PHF10: variants seen among roughly 807,000 people sequenced by gnomAD.
PHF10 encodes the protein BRG1-associated factor 45a.
PHF10 carries 51 observed loss-of-function variants against 68.5 expected under a neutral mutation model. The observed-to-expected ratio is 0.74, with a 90% CI of 0.59 to 0.94. PHF10 has a LOEUF of 0.94. PHF10 is among the 40% of genes least tolerant of loss of function. PHF10 has a pLI of 0.00. For synonymous variants in PHF10, 204 were observed against 203.5 expected (o/e 1.00, Z -0.02); for missense variants, 460 against 602.6 (o/e 0.76, Z 2.48).
chr6:169,713,941 G>GT (rs1461417264), intron 7 of PHF10, among the ~76,000 whole-genome samples: 1 of 152,092 alleles, frequency 6.6e-6, no homozygotes, highest in African/African-American at 2.4e-5. Context: ...GGCCAACATG[G>GT]TAAAACCCAC....
intron 10 of PHF10, 68 bp from the exon 11 acceptor site, chr6:169,705,389 CT>C (rs1788746643): frequency 8.9e-7 from 1 of 1,126,560 alleles, no homozygotes; most frequent in Non-Finnish European, 1.3e-6. Context: ...ACATAAAATA[CT>C]AGTTTGCTTT....
At chr6:169,718,685 G>A (rs533924536) in intron 3 of PHF10, 103 bp downstream of exon 3, 2 of 717,096 alleles carry the variant, frequency 2.8e-6, no homozygotes, top group South Asian at 4.3e-5. Context: ...AAAACAGCAA[G>A]CACAAGAATA....
At chr6:169,716,484 C>A (rs1450585714) in intron 4 of PHF10, among the ~76,000 whole-genome samples, 5 of 151,620 alleles carry the variant, frequency 3.3e-5, no homozygotes, top group Non-Finnish European at 7.4e-5. Flanking sequence ...ATTCCATACA[C>A]AAGAAATATT....
At chr6:169,718,723 A>T (rs1486459149) in intron 3 of PHF10, 65 bp downstream of exon 3, 1 of 937,844 alleles carries the variant, frequency 1.1e-6, no homozygotes, top group Non-Finnish European at 1.6e-6. Context: ...AAAAATTCAG[A>T]AGTTGACAGT....
In PHF10 at chr6:169,714,796, C is replaced by T. The variant is rs756244823; in HGVS notation, c.740G>A (p.Arg247Gln). The T allele has an allele frequency of 3.1e-5, 50 of 1,607,622 alleles. No homozygotes were observed. Among genetic ancestry groups the T allele is most frequent in the Non-Finnish European group, 3.7e-5 (43 of 1,174,252 alleles). ...CACTGGGTAAGAACTGACCTTTGTT[C>T]GCTCTGTTGGCAAAACTTTGTACTT... Reference protein sequence around the residue: ...QGKYKVLPTERTKVSSYPVAL... With the variant: ...QGKYKVLPTEQTKVSSYPVAL... The change falls in exon 7 of 12, where the codon CGA becomes CAA. Residue 247 changes from arginine to glutamine, a missense_variant. By Grantham distance (43) the Arg-to-Gln change is conservative. This residue lies in a region of PHF10 where 256 missense variants were observed against 410.5 expected (regional missense o/e 0.62). Transcript: ENST00000339209.
intron 1 of PHF10, among the ~76,000 whole-genome samples, chr6:169,721,501 T>C (rs1789176740): frequency 1.3e-5 from 2 of 152,332 alleles, no homozygotes; most frequent in South Asian, 4.1e-4. Context: ...AATTGACTAC[T>C]TTAGGCATTT....
At chr6:169,712,571 C>T in intron 7 of PHF10, 32 bp from the exon 8 acceptor site, 1 of 1,579,762 alleles carries the variant, frequency 6.3e-7, no homozygotes, top group African/African-American at 1.4e-5. Flanking sequence ...TTTGGTTTCC[C>T]TTTATTATTA....
At chr6:169,719,206 G>T in intron 2 of PHF10, 1 of 242,174 alleles carries the variant, frequency 4.1e-6, no homozygotes, top group Non-Finnish European at 8.1e-6. Flanking sequence ...GGACCTATGA[G>T]GGCAAAGCAA....
Position 169,706,177 on chromosome 6 carries a change from A to G in PHF10, c.1114-453T>C, listed in dbSNP as rs75557160. ...AAAACTGCAAAACTAGAGCTATAAA[A>G]TCTAAGTTAAAAAATCAGCTTATCC... On this transcript the variant is annotated intron_variant, in intron 9 of 11. Coordinates refer to ENST00000339209, the MANE Select transcript of PHF10 (RefSeq NM_018288.4). Among the ~76,000 whole-genome samples the G allele has an allele frequency of 1.7e-3, 256 of 152,362 alleles. 2 individuals carry two copies. Among genetic ancestry groups the G allele is most frequent in the African/African-American group, 5.4e-3 (224 of 41,598 alleles).
intron 4 of PHF10, among the ~76,000 whole-genome samples, chr6:169,717,048 T>TG (rs1353635903): frequency 6.6e-6 from 1 of 152,150 alleles, no homozygotes; most frequent in Admixed American, 6.5e-5. Flanking sequence ...GGTCAGAAGT[T>TG]GGAGACCAGC....
rs141680830 is a variant in PHF10, at chr6:169,710,276, G to T, written c.1073C>A (p.Pro358His). 1,640 of 1,612,832 alleles carry T rather than the reference G, an allele frequency of 1.0e-3. No individual in the cohort carries two copies. The highest frequency in any genetic ancestry group is 1.2e-3 in the Admixed American group (74 of 60,010). The change falls in exon 9 of 12, where the codon CCC becomes CAC. Residue 358 changes from proline (P) to histidine (H), a missense_variant. By Grantham distance (77) the Pro-to-His change is moderately conservative. Coordinates refer to ENST00000339209, the MANE Select transcript of PHF10 (RefSeq NM_018288.4). ...TGACTTGGACAGTACAGAACGTTTG[G>T]GACCATCTTTTCTTGGAGTGGCAGC... Reference protein sequence around the residue: ...DKAATPRKDGPKRSVLSKSVP... With the variant: ...DKAATPRKDGHKRSVLSKSVP...
Position 169,717,887 on chromosome 6 carries a change from C to A in PHF10, c.345G>T (p.Leu115Phe). Reference sequence around the variant, plus strand: ...TCAGGTAGAGTTTCTCCTTGTGAGACAAATCTCGTCGCTCTAAATCTCCAA... The same window carrying A: ...TCAGGTAGAGTTTCTCCTTGTGAGAAAAATCTCGTCGCTCTAAATCTCCAA... Reference protein sequence around the residue: ...RKYPDLERRDLSHKEKLYLRE... With the variant: ...RKYPDLERRDFSHKEKLYLRE... The change falls in exon 4 of 12, where the codon TTG becomes TTT. Residue 115 changes from leucine to phenylalanine, a missense_variant. Around this residue, in one of 3 missense-constraint regions of PHF10, gnomAD observed 256 missense variants for 410.5 expected, o/e 0.62. Coordinates refer to ENST00000339209, the MANE Select transcript of PHF10 (RefSeq NM_018288.4). 1 of 1,556,726 alleles carries A rather than the reference C, an allele frequency of 6.4e-7. No individual in the cohort carries two copies. Among genetic ancestry groups the A allele is most frequent in the Non-Finnish European group, 8.8e-7 (1 of 1,134,382 alleles).
chr6:169,703,917 A>T lies in PHF10; in HGVS notation c.*86T>A, dbSNP rs182069716. The T allele has an allele frequency of 5.2e-5, 59 of 1,130,656 alleles. 1 individual carries two copies. Among genetic ancestry groups the T allele is most frequent in the Admixed American group, 1.5e-4 (5 of 32,300 alleles). The allele number at this position is 1,130,656 out of a possible 1,614,324, so 70.0% of individuals were successfully genotyped here. ...TTTAAGCTCATAATTTGCAAAAAAA[A>T]TCTTTTATTGGCATGAAAATAATGT... On this transcript the variant is annotated 3_prime_UTR_variant, in exon 12 of 12. Transcript: ENST00000339209.
intron 9 of PHF10, chr6:169,709,293 C>T (rs1788875675): frequency 6.6e-6 from 1 of 150,808 alleles, no homozygotes; most frequent in Non-Finnish European, 1.5e-5. Context: ...AACAATTTCA[C>T]TTGGCAAAAC....
In PHF10 at chr6:169,721,043, A is replaced by C; in HGVS notation, c.156T>G (p.Asp52Glu). The stretch of plus-strand genomic sequence containing the variant: ...TTGAAGTTTCACAACTCCTAGAACT[A>C]TCTCCTGAGCCCATTCGCCTCCTTT... ...PSKRRRMGSGDSSRSCETSSQ... is the reference protein window; with the variant it reads ...PSKRRRMGSGESSRSCETSSQ... The change falls in exon 2 of 12, where the codon GAT (aspartate) becomes GAG (glutamate). Residue 52 changes from aspartate (D) to glutamate (E), a missense_variant. By Grantham distance (45) the Asp-to-Glu change is conservative. Coordinates refer to ENST00000339209, the MANE Select transcript of PHF10 (RefSeq NM_018288.4). 1 of 1,547,204 alleles carries C rather than the reference A, an allele frequency of 6.5e-7. No homozygotes were observed. The highest frequency in any genetic ancestry group is 8.7e-7 in the Non-Finnish European group (1 of 1,144,778).
intron 2 of PHF10, chr6:169,719,175 C>T (rs527262175): frequency 2.1e-5 from 6 of 281,336 alleles, no homozygotes; most frequent in Middle Eastern, 1.2e-3. Flanking sequence ...TTGCTAAGAA[C>T]GAAGGCATTT....
chr6:169,718,404 G>C (rs1047088515), intron 3 of PHF10, among the ~76,000 whole-genome samples: 1 of 152,204 alleles, frequency 6.6e-6, no homozygotes, highest in African/African-American at 2.4e-5. Flanking sequence ...GCTCACACCT[G>C]TAATCCTAGC....
chr6:169,719,311 T>C (rs558011325), intron 2 of PHF10: 5 of 170,040 alleles, frequency 2.9e-5, no homozygotes, highest in Admixed American at 6.0e-5. Flanking sequence ...TTCTGTCTCT[T>C]GTCTACTGTT....
chr6:169,715,708 A>ATG lies in PHF10; in HGVS notation c.691_692dup (p.Val232MetfsTer49). ...GGGTACTAAATTTAAGTTATCCTACATGTGTCTGCAAGTCAAAATAAGCTC... is the reference window on the plus strand; with the variant it reads ...GGGTACTAAATTTAAGTTATCCTACATGTGTGTCTGCAAGTCAAAATAAGCTC... On this transcript the variant is annotated frameshift_variant and splice_region_variant, in exon 6 of 12. Transcript: ENST00000339209. LOFTEE classifies it high-confidence loss of function. The ATG allele has an allele frequency of 6.2e-7, 1 of 1,611,444 alleles. No homozygotes were observed. Among genetic ancestry groups the ATG allele is most frequent in the Non-Finnish European group, 8.5e-7 (1 of 1,179,598 alleles).
Sources: gnomAD v4.1 joint callset for allele counts (sites outside exome capture counted in the v4.1 genomes callset) on GRCh38, gnomAD v4.1.1 for gene constraint, gnomAD v4.1.1 regional missense constraint, MANE v1.5 for transcripts, NCBI Gene and HGNC (gene_info 2026-07-23, HGNC 2026-07-21) for gene names.